The following SYT1 variants were observed in gnomAD, a reference collection of about 807,000 sequenced individuals.
SYT1 encodes synaptotagmin-1.
SYT1 carries 8 observed loss-of-function variants against 44.8 expected under a neutral mutation model. The observed-to-expected ratio is 0.18, with a 90% confidence interval of 0.10 to 0.32. The LOEUF is 0.32. Among genes scored for constraint, SYT1 ranks in the 10% least tolerant of loss-of-function variants. The pLI is 1.00. For synonymous variants in SYT1, 154 were observed against 188.8 expected, an observed-to-expected ratio of 0.82 and a Z score of 1.51; for missense variants, 286 against 509.3, an observed-to-expected ratio of 0.56 and a Z score of 4.22.
chr12:79,071,215 C>T (rs968788011), intron 3 of SYT1, among the ~76,000 whole-genome samples: 2 of 152,078 alleles, frequency 1.3e-5, no homozygotes, highest in Non-Finnish European at 2.9e-5. Context: ...ATATTATTGG[C>T]TGGAAGTGTA....
chr12:79,004,075 A>G lies in SYT1; in HGVS notation c.-84+26144A>G, dbSNP rs1870919963. Among the ~76,000 whole-genome samples, 3 of 151,880 alleles carry G rather than the reference A, an allele frequency of 2.0e-5. No homozygotes were observed. In the South Asian group the frequency reaches 6.2e-4, roughly 31 times the overall value. ...CTCCTTTTTAAAAATCTAATACTCT[A>G]TCCAAGAAAAGGTAATCACATTTAG... On this transcript the variant is annotated intron_variant, in intron 2 of 10. Coordinates refer to ENST00000261205, the MANE Select transcript of SYT1 (RefSeq NM_005639.3).
chr12:79,114,839 T>C (rs891216976), intron 3 of SYT1, among the ~76,000 whole-genome samples: 4 of 152,266 alleles, frequency 2.6e-5, no homozygotes, highest in South Asian at 2.1e-4. Context: ...GTTTCTACAA[T>C]TGAAAATTTC....
At chr12:79,032,383 G>T (rs1310639566) in intron 2 of SYT1, among the ~76,000 whole-genome samples, 1 of 151,040 alleles carries the variant, frequency 6.6e-6, no homozygotes, top group Non-Finnish European at 1.5e-5. Flanking sequence ...ACCTTATCTT[G>T]TACTCTTTTT....
intron 9 of SYT1, among the ~76,000 whole-genome samples, chr12:79,424,866 A>G (rs1869342768): frequency 2.0e-5 from 3 of 148,370 alleles, no homozygotes; most frequent in South Asian, 2.1e-4. Context: ...TTTGTTATCC[A>G]TTAATCATTG....
At chr12:78,893,583 G>T (rs1215418823) in intron 1 of SYT1, among the ~76,000 whole-genome samples, 1 of 151,690 alleles carries the variant, frequency 6.6e-6, no homozygotes, top group Non-Finnish European at 1.5e-5. Flanking sequence ...TTGAGGCAAA[G>T]ATGTCAAGTC....
chr12:78,867,716 G>A (rs1873616410), intron 1 of SYT1, among the ~76,000 whole-genome samples: 1 of 151,924 alleles, frequency 6.6e-6, no homozygotes, highest in Admixed American at 6.6e-5. Flanking sequence ...TTGCTGAGTA[G>A]TTTTGAACTT....
At chr12:79,443,965 A>C in intron 9 of SYT1, 108 bp from the exon 10 acceptor site, 2 of 1,141,906 alleles carry the variant, frequency 1.8e-6, no homozygotes, top group Non-Finnish European at 2.5e-6. Flanking sequence ...TATTAAATAC[A>C]TGCTATATAA....
At chr12:78,917,823 C>T (rs922123234) in intron 1 of SYT1, among the ~76,000 whole-genome samples, 1 of 151,824 alleles carries the variant, frequency 6.6e-6, no homozygotes, top group Non-Finnish European at 1.5e-5. Context: ...TGTTGGATAG[C>T]CTAAAACACA....
chr12:79,047,222 T>A (rs1008564670), intron 2 of SYT1, 75 bp from the exon 3 acceptor site: 4 of 151,576 alleles, frequency 2.6e-5, no homozygotes, highest in African/African-American at 7.2e-5. Context: ...ATAATAAAAT[T>A]AACATATTTA....
intron 3 of SYT1, among the ~76,000 whole-genome samples, chr12:79,170,464 T>C (rs555498804): frequency 6.6e-6 from 1 of 152,284 alleles, no homozygotes; most frequent in Admixed American, 6.5e-5. Context: ...GTCGAACTTT[T>C]TTTATATGAT....
In SYT1 at chr12:79,157,094, T is replaced by C. The variant is rs549705233; in HGVS notation, c.-17-60409T>C. ...TAGAGTTCAAGTAGACTGCCTAGAC[T>C]GATCCTGGGTCTGGGTCACCCATCC... On this transcript the variant is annotated intron_variant, in intron 3 of 10. Transcript: ENST00000261205. Among the ~76,000 whole-genome samples, 10 of 152,262 alleles carry C rather than the reference T, an allele frequency of 6.6e-5. No individual in the cohort carries two copies. The East Asian group carries it at 1.5e-3, about 24-fold the overall frequency.
At chr12:79,332,532 G>T (rs549282602) in intron 8 of SYT1, among the ~76,000 whole-genome samples, 55 of 152,144 alleles carry the variant, frequency 3.6e-4, no homozygotes, top group Non-Finnish European at 6.6e-4. Context: ...CTAATTAGTT[G>T]CATAACCTTT....
intron 3 of SYT1, among the ~76,000 whole-genome samples, chr12:79,077,328 A>G (rs1424499141): frequency 6.6e-6 from 1 of 152,174 alleles, no homozygotes; most frequent in Non-Finnish European, 1.5e-5. Flanking sequence ...GATACAGTGC[A>G]TTCACACTAT....
chr12:79,058,128 C>G (rs1314705543), intron 3 of SYT1, among the ~76,000 whole-genome samples: 2 of 151,792 alleles, frequency 1.3e-5, no homozygotes, highest in Non-Finnish European at 2.9e-5. Flanking sequence ...AATGAGACAG[C>G]TAAAAGAATG....
intron 8 of SYT1, among the ~76,000 whole-genome samples, chr12:79,310,172 C>G (rs1432535338): frequency 5.9e-5 from 9 of 151,912 alleles, no homozygotes; most frequent in African/African-American, 1.9e-4. Flanking sequence ...AGTCTTTAAT[C>G]CATCTTGAAT....
At chr12:79,279,090 A>T (rs548764227) in intron 4 of SYT1, among the ~76,000 whole-genome samples, 18 of 151,974 alleles carry the variant, frequency 1.2e-4, no homozygotes, top group African/African-American at 4.3e-4. Flanking sequence ...CAGTCATAAA[A>T]CTGACATCAA....
intron 2 of SYT1, among the ~76,000 whole-genome samples, chr12:79,000,115 A>T (rs531629042): frequency 6.6e-6 from 1 of 152,262 alleles, no homozygotes; most frequent in South Asian, 2.1e-4. Flanking sequence ...TTAATTCACC[A>T]TTACTAAGCT....
At chr12:79,384,828 T>TAAC (rs1884367608) in intron 9 of SYT1, among the ~76,000 whole-genome samples, 2 of 152,176 alleles carry the variant, frequency 1.3e-5, no homozygotes, top group African/African-American at 2.4e-5. Context: ...TTGGTTGGCT[T>TAAC]TCTCCTGAGT....
chr12:79,259,494 G>T (rs1221422822), intron 4 of SYT1, among the ~76,000 whole-genome samples: 1 of 152,160 alleles, frequency 6.6e-6, no homozygotes, highest in Non-Finnish European at 1.5e-5. Context: ...AGCACTTTAG[G>T]AAGCAAAGAC....
Sources: gnomAD v4.1 joint callset for allele counts (sites outside exome capture counted in the v4.1 genomes callset) on GRCh38, gnomAD v4.1.1 for gene constraint, MANE v1.5 for transcripts, NCBI Gene and HGNC (gene_info 2026-07-23, HGNC 2026-07-21) for gene names.